ZNF624: variants seen among roughly 807,000 people sequenced by gnomAD.
ZNF624 encodes the protein zinc finger protein 624.
ZNF624 carries 43 observed loss-of-function variants against 74.7 expected under a neutral mutation model. The observed-to-expected ratio is 0.58, with a 90% confidence interval of 0.45 to 0.74. The LOEUF is 0.74. ZNF624 is among the 30% of genes least tolerant of loss of function. The pLI is 0.00. For synonymous variants in ZNF624, 331 were observed against 341.3 expected, an observed-to-expected ratio of 0.97 and a Z score of 0.33; for missense variants, 820 against 1,030.0, an observed-to-expected ratio of 0.80 and a Z score of 2.79.
intron 3 of ZNF624, among the ~76,000 whole-genome samples, chr17:16,639,938 A>T (rs2142628081): frequency 6.6e-6 from 1 of 152,346 alleles, no homozygotes; most frequent in South Asian, 2.1e-4. Context: ...ATACACAGTA[A>T]AAAATAAAGC....
chr17:16,646,921 AT>A (rs942437415), intron 3 of ZNF624, among the ~76,000 whole-genome samples: 2 of 152,110 alleles, frequency 1.3e-5, no homozygotes, highest in African/African-American at 2.4e-5. Context: ...TCTGATTTTT[AT>A]TTTTTCTGGA....
At chr17:16,632,292 C>G (rs1909225152) in intron 5 of ZNF624, among the ~76,000 whole-genome samples, 1 of 152,176 alleles carries the variant, frequency 6.6e-6, no homozygotes, top group Admixed American at 6.5e-5. Flanking sequence ...TCTCCTTTAA[C>G]CCTGTCAAAC....
chr17:16,644,218 T>A (rs917476817), intron 3 of ZNF624, among the ~76,000 whole-genome samples: 1 of 152,194 alleles, frequency 6.6e-6, no homozygotes, highest in Admixed American at 6.5e-5. Flanking sequence ...CTTTTCTTTA[T>A]AAATTACCCA....
At chr17:16,617,232 TC>T, downstream of ZNF624, 5 of 1,612,730 alleles carry the variant, frequency 3.1e-6, no homozygotes, top group Non-Finnish European at 4.2e-6. Flanking sequence ...TTGAGACACT[TC>T]CAGATCTACT....
intron 3 of ZNF624, among the ~76,000 whole-genome samples, chr17:16,643,175 GT>G (rs1413988836): frequency 6.6e-6 from 1 of 152,094 alleles, no homozygotes; most frequent in Non-Finnish European, 1.5e-5. Flanking sequence ...CCAACCCTAG[GT>G]ATATACCAAG....
intron 5 of ZNF624, among the ~76,000 whole-genome samples, chr17:16,628,199 G>A (rs956143719): frequency 2.0e-5 from 3 of 152,092 alleles, no homozygotes; most frequent in African/African-American, 7.2e-5. Flanking sequence ...GGAGGTGGAG[G>A]TTGCAGTGAA....
In ZNF624 at chr17:16,622,592, G is replaced by A. The variant is rs747852811; in HGVS notation, c.2294C>T (p.Ser765Phe). Residue 765 changes from serine (S) to phenylalanine (F), a missense_variant, in exon 6 of 6, where the codon TCT becomes TTT. Coordinates refer to ENST00000311331, the MANE Select transcript of ZNF624 (RefSeq NM_020787.4). ...TGTTCTCCAATGCACTGTAAGGTAA[G>A]AACCCCTCCTGAAGGCTTTTCCACA... Reference protein sequence around the residue: ...DVCGKAFRRGSYLTVHWRTHT... With the variant: ...DVCGKAFRRGFYLTVHWRTHT... 12 of 1,613,920 alleles carry A rather than the reference G, an allele frequency of 7.4e-6. No individual in the cohort carries two copies. The African/African-American group carries it at 1.2e-4, about 16-fold the overall frequency.
intron 1 of ZNF624, among the ~76,000 whole-genome samples, chr17:16,651,921 TAAC>T (rs1394697691): frequency 6.6e-6 from 1 of 152,180 alleles, no homozygotes; most frequent in East Asian, 1.9e-4. Context: ...AATATAATGT[TAAC>T]ATGTTAATTA....
intron 4 of ZNF624, among the ~76,000 whole-genome samples, 175 bp downstream of exon 4, chr17:16,634,455 G>C (rs1909278682): frequency 6.6e-6 from 1 of 152,214 alleles, no homozygotes; most frequent in African/African-American, 2.4e-5. Flanking sequence ...CCAGTGAAAT[G>C]TGTGTTTCTT....
In ZNF624 at chr17:16,624,000, T is replaced by G. The variant is rs753973064; in HGVS notation, c.886A>C (p.Arg296=). The change falls in exon 6 of 6, where the codon AGA becomes CGA. Residue 296 remains arginine (R), a synonymous_variant. Coordinates refer to ENST00000311331, the MANE Select transcript of ZNF624 (RefSeq NM_020787.4). This position sits in a 1 kb window ranked among gnomAD's most constrained non-coding sequence, Gnocchi z 5.3. ...TAAGGTTTTTCTTTAGTATGAGTTC[T>G]TTGATGTTGAATGAGCAATGATCTA... The part of the protein sequence containing the change: ...HYRSLLIQHQ[R]THTKEKPYEC... The G allele has an allele frequency of 1.2e-6, 2 of 1,613,816 alleles. No homozygotes were observed. The highest frequency in any genetic ancestry group is 1.7e-6 in the Non-Finnish European group (2 of 1,179,970).
chr17:16,617,398 G>C (rs1414112582), downstream of ZNF624: 14 of 1,613,250 alleles, frequency 8.7e-6, no homozygotes, highest in Non-Finnish European at 1.2e-5. Flanking sequence ...TTTGTCCAAA[G>C]CACGCTTCAT....
At chr17:16,631,102 C>T (rs1909197171) in intron 5 of ZNF624, among the ~76,000 whole-genome samples, 1 of 151,942 alleles carries the variant, frequency 6.6e-6, no homozygotes, top group Non-Finnish European at 1.5e-5. Flanking sequence ...GAATTAAAGT[C>T]AACAAGATTG....
At chr17:16,638,720 G>A (rs1012698489) in intron 3 of ZNF624, among the ~76,000 whole-genome samples, 6 of 118,322 alleles carry the variant, frequency 5.1e-5, no homozygotes, top group Non-Finnish European at 1.1e-4. Flanking sequence ...TTGTGGGGTT[G>A]GGGGAGGGAT....
Position 16,637,967 on chromosome 17 carries a change from A to G in ZNF624, c.154-3211T>C, listed in dbSNP as rs1472582307. Among the ~76,000 whole-genome samples the G allele has an allele frequency of 2.6e-5, 4 of 152,170 alleles. No homozygotes were observed. The East Asian group carries it at 5.8e-4, about 22-fold the overall frequency. On this transcript the variant is annotated intron_variant, in intron 3 of 5. Transcript: ENST00000311331. ...GGGAGAAAATTTTTGCAACCTACTC[A>G]TCTGACAAAGGGCTAATATCCAGAA...
intron 3 of ZNF624, among the ~76,000 whole-genome samples, chr17:16,645,656 T>C (rs937929760): frequency 1.7e-4 from 25 of 146,924 alleles, no homozygotes; most frequent in Non-Finnish European, 2.8e-4. Flanking sequence ...AACAAAACAC[T>C]AATTGAAAAT....
intron 5 of ZNF624, among the ~76,000 whole-genome samples, chr17:16,625,189 G>A (rs974392597): frequency 2.0e-5 from 3 of 151,440 alleles, no homozygotes; most frequent in African/African-American, 7.3e-5. Context: ...TATTTGTTTT[G>A]TTTTGTTTTG....
chr17:16,618,002 C>T (rs954322807), downstream of ZNF624: 3 of 618,192 alleles, frequency 4.9e-6, no homozygotes, highest in South Asian at 2.0e-5. Context: ...TAGTGGCGGC[C>T]GAGTCCAGCC....
downstream of ZNF624, chr17:16,617,794 C>T (rs1440695082): frequency 1.9e-6 from 3 of 1,611,836 alleles, no homozygotes; most frequent in East Asian, 4.5e-5. Context: ...AGGTCTACTT[C>T]GAGGAGGCGG....
intron 2 of ZNF624, 56 bp from the exon 3 acceptor site, chr17:16,647,450 G>C: frequency 1.4e-6 from 2 of 1,470,910 alleles, no homozygotes; most frequent in Non-Finnish European, 1.9e-6. Flanking sequence ...ACTTACAGCA[G>C]AGCCTCAACA....
Sources: gnomAD v4.1 joint callset for allele counts (sites outside exome capture counted in the v4.1 genomes callset) on GRCh38, gnomAD v4.1.1 for gene constraint, Gnocchi (gnomAD v3.1) non-coding constraint, MANE v1.5 for transcripts, NCBI Gene and HGNC (gene_info 2026-07-23, HGNC 2026-07-21) for gene names.